The following LRP5 variants were observed in gnomAD, a reference collection of about 807,000 sequenced individuals.
LRP5 encodes LDL receptor related protein 5.
LRP5 carries 62 observed loss-of-function variants against 154.1 expected under a neutral mutation model. The ratio of observed to expected loss-of-function variants is 0.40; its 90% CI spans 0.33 to 0.50. LRP5 has a LOEUF of 0.50. LRP5 is among the 20% of genes least tolerant of loss of function. The probability of loss-of-function intolerance (pLI) is 0.55; values close to 1 mark genes in which losing one functional copy is unlikely to be tolerated. For missense variants in LRP5, 1,915 were observed against 2,336.7 expected (o/e 0.82, Z 3.72); for synonymous variants, 966 against 1,011.5 (o/e 0.96, Z 0.85).
intron 7 of LRP5, among the ~76,000 whole-genome samples, chr11:68,393,144 A>C (rs1172789281): frequency 6.6e-6 from 1 of 151,940 alleles, no homozygotes; most frequent in Non-Finnish European, 1.5e-5. Context: ...AAAAAACAAA[A>C]AAAAAAGTTC....
At chr11:68,375,558 C>T (rs1449535169) in intron 5 of LRP5, among the ~76,000 whole-genome samples, 3 of 152,214 alleles carry the variant, frequency 2.0e-5, no homozygotes, top group Admixed American at 6.5e-5. Context: ...TCCGCCCGTG[C>T]GCAGCCCTCT....
Position 68,447,048 on chromosome 11 carries a change from CG to C in LRP5, c.4586+519del, listed in dbSNP as rs2098681838. On this transcript the variant is annotated intron_variant, in intron 22 of 22. Transcript: ENST00000294304. This position sits in a 1 kb window ranked among gnomAD's most constrained non-coding sequence, Gnocchi z 4.3. ...GGCCTGTTTGAGCCCGGGAAGCCAA[CG>C]GGGCTGCTCAGCTGGACACCAGCCC... 2.7e-5 allele frequency: 5 copies of C among 185,360 alleles called. No individual in the cohort carries two copies. The South Asian group carries it at 4.1e-4, about 15-fold the overall frequency. The allele number at this position is 185,360 out of a possible 1,614,324, so 11.5% of individuals were successfully genotyped here. A position where few individuals can be genotyped will look rare whatever the true frequency, so the allele number is the denominator to read the frequency against.
At chr11:68,307,335 A>T in the LRP5 span, among the ~76,000 whole-genome samples, 17 of 151,998 alleles carry the variant, frequency 1.1e-4, no homozygotes, top group African/African-American at 2.7e-4. Context: ...ATTTAGAAAA[A>T]TTTTTTAAAG....
chr11:68,323,949 A>G lies in LRP5; in HGVS notation c.91+11144A>G, dbSNP rs141458836. On this transcript the variant is annotated intron_variant, in intron 1 of 22. Coordinates refer to ENST00000294304, the MANE Select transcript of LRP5 (RefSeq NM_002335.4). The stretch of plus-strand genomic sequence containing the variant: ...CCGCAGCCGCCTGCTCCCTTGGGAC[A>G]CTCATTCATTTGCTGTGGCCACTGC... Among the ~76,000 whole-genome samples the G allele has an allele frequency of 2.1e-3, 315 of 152,232 alleles. 2 individuals carry two copies. In the Middle Eastern group the frequency reaches 0.051, roughly 25 times the overall value.
the LRP5 span, among the ~76,000 whole-genome samples, chr11:68,303,728 C>T: frequency 6.6e-6 from 1 of 152,144 alleles, no homozygotes; most frequent in Non-Finnish European, 1.5e-5. Context: ...CTCCTGATCT[C>T]GTGATCTGCC....
chr11:68,314,528 G>A (rs1474387159), intron 1 of LRP5, among the ~76,000 whole-genome samples: 3 of 152,244 alleles, frequency 2.0e-5, no homozygotes, highest in South Asian at 4.1e-4. Flanking sequence ...CCTCAGCGAA[G>A]CCAGTAAGTG....
chr11:68,357,577 G>A, intron 2 of LRP5, 73 bp from the exon 3 acceptor site: 2 of 1,367,916 alleles, frequency 1.5e-6, no homozygotes, highest in Non-Finnish European at 2.1e-6. Flanking sequence ...GTTGTTTCAT[G>A]TCTGCATCTA....
intron 13 of LRP5, among the ~76,000 whole-genome samples, chr11:68,418,744 C>T (rs939121465): frequency 6.6e-6 from 1 of 152,218 alleles, no homozygotes; most frequent in Admixed American, 6.5e-5. Context: ...TGGAGCTTCT[C>T]TCCTGGGCAG....
chr11:68,340,419 C>T (rs2098608262), intron 1 of LRP5, among the ~76,000 whole-genome samples: 1 of 152,082 alleles, frequency 6.6e-6, no homozygotes, highest in Non-Finnish European at 1.5e-5. Flanking sequence ...TTGGAGCTGG[C>T]CCAGGGCTGG....
At chr11:68,339,174 T>TTTTTTG (rs1162808804) in intron 1 of LRP5, among the ~76,000 whole-genome samples, 1 of 151,942 alleles carries the variant, frequency 6.6e-6, no homozygotes, top group Non-Finnish European at 1.5e-5. Flanking sequence ...GCGTCGGGCC[T>TTTTTTG]TTTTTGTTTT....
rs146185147 is a variant in LRP5 at position 68,437,270 on chromosome 11, G to T, written c.4111+271G>T. Among the ~76,000 whole-genome samples the T allele has an allele frequency of 1.3e-3, 193 of 152,378 alleles. 1 individual carries two copies. Among genetic ancestry groups the T allele is most frequent in the African/African-American group, 4.5e-3 (186 of 41,586 alleles). On this transcript the variant is annotated intron_variant, in intron 19 of 22. Transcript: ENST00000294304. ...GTGCCTGCAGCACGCACCCACCCAC[G>T]GGACCTTGCTGAGCAGCGTCTGTCA...
intron 5 of LRP5, among the ~76,000 whole-genome samples, chr11:68,378,668 A>G (rs2098638740): frequency 6.6e-6 from 1 of 152,150 alleles, no homozygotes; most frequent in South Asian, 2.1e-4. Flanking sequence ...GAAAATAGAA[A>G]TTACCCATAA....
chr11:68,426,259 G>A (rs2098668718), intron 16 of LRP5, 72 bp downstream of exon 16: 3 of 1,347,802 alleles, frequency 2.2e-6, no homozygotes, highest in South Asian at 2.5e-5. Flanking sequence ...CTGGAGGCCA[G>A]TGCAAGATCC....
At chr11:68,382,431 C>T (rs2098640747) in intron 5 of LRP5, among the ~76,000 whole-genome samples, 1 of 152,200 alleles carries the variant, frequency 6.6e-6, no homozygotes, top group Non-Finnish European at 1.5e-5. Flanking sequence ...ACCTCTCAAT[C>T]TCAGCAGGCC....
At chr11:68,408,994 G>A (rs1197796910) in intron 9 of LRP5, among the ~76,000 whole-genome samples, 1 of 144,512 alleles carries the variant, frequency 6.9e-6, no homozygotes, top group Non-Finnish European at 1.5e-5. Flanking sequence ...ATGCTGCAGT[G>A]ACCTGAGATT....
chr11:68,437,587 G>A (rs890192151), intron 19 of LRP5, among the ~76,000 whole-genome samples: 2 of 152,276 alleles, frequency 1.3e-5, no homozygotes, highest in Non-Finnish European at 2.9e-5. Context: ...ATGAGTCATT[G>A]TGTCTGGGGA....
chr11:68,327,402 C>T (rs2098600329), intron 1 of LRP5, among the ~76,000 whole-genome samples: 1 of 152,210 alleles, frequency 6.6e-6, no homozygotes, highest in African/African-American at 2.4e-5. Flanking sequence ...GGAGGGTCAC[C>T]CCAGCGCCTC....
chr11:68,393,141 A>C (rs891130102), intron 7 of LRP5, among the ~76,000 whole-genome samples: 1 of 142,670 alleles, frequency 7.0e-6, no homozygotes, highest in Non-Finnish European at 1.5e-5. Context: ...AAAAAAAAAC[A>C]AAAAAAAAAG....
chr11:68,419,569 TCA>T (rs1324443974), intron 13 of LRP5, among the ~76,000 whole-genome samples: 1 of 147,866 alleles, frequency 6.8e-6, no homozygotes, highest in Non-Finnish European at 1.5e-5. Flanking sequence ...AGATGGAGTC[TCA>T]CTCTATCGCC....
Sources: gnomAD v4.1 joint callset for allele counts (sites outside exome capture counted in the v4.1 genomes callset) on GRCh38, gnomAD v4.1.1 for gene constraint, Gnocchi (gnomAD v3.1) non-coding constraint, MANE v1.5 for transcripts, NCBI Gene and HGNC (gene_info 2026-07-23, HGNC 2026-07-21) for gene names.